The following SPOCK3 variants were observed in gnomAD, a reference collection of about 807,000 sequenced individuals.
SPOCK3 encodes SPARC (osteonectin), cwcv and kazal like domains proteoglycan 3.
Under a neutral mutation model 56.6 loss-of-function variants are expected in SPOCK3, and 30 were observed. That is an observed-to-expected ratio of 0.53 (90% CI 0.40 to 0.72). SPOCK3 has a LOEUF of 0.72. Ranked by LOEUF, SPOCK3 falls within the 30% of genes least tolerant of loss-of-function variation. SPOCK3 has a pLI of 0.00. For missense variants in SPOCK3, 527 were observed against 530.0 expected, an observed-to-expected ratio of 0.99 and a Z score of 0.06; for synonymous variants, 196 against 183.3, an observed-to-expected ratio of 1.07 and a Z score of -0.56.
intron 6 of SPOCK3, among the ~76,000 whole-genome samples, chr4:166,853,788 A>G (rs553493753): frequency 2.0e-5 from 3 of 152,244 alleles, no homozygotes; most frequent in African/African-American, 4.8e-5. Context: ...AGGCTGAGGC[A>G]TGAGAATAGC....
chr4:166,995,356 T>C (rs1034081976), intron 4 of SPOCK3, among the ~76,000 whole-genome samples: 2 of 152,058 alleles, frequency 1.3e-5, no homozygotes, highest in African/African-American at 4.8e-5. Context: ...GTTATACTAA[T>C]TCACTATCCA....
At chr4:166,945,827 C>T (rs1353719015) in intron 4 of SPOCK3, among the ~76,000 whole-genome samples, 5 of 152,152 alleles carry the variant, frequency 3.3e-5, no homozygotes, top group African/African-American at 1.2e-4. Flanking sequence ...AGTTTTCCCT[C>T]CTTACCCTAC....
intron 7 of SPOCK3, among the ~76,000 whole-genome samples, chr4:166,768,264 A>C (rs1219523811): frequency 1.3e-5 from 2 of 152,160 alleles, no homozygotes; most frequent in Non-Finnish European, 2.9e-5. Context: ...TCGTTAGTTG[A>C]TGCAGTTTCT....
At chr4:167,035,955 A>G (rs1203663952) in intron 3 of SPOCK3, among the ~76,000 whole-genome samples, 1 of 152,158 alleles carries the variant, frequency 6.6e-6, no homozygotes. Flanking sequence ...CTTATCTTTT[A>G]GAAAAATTAA....
At position 167,205,415 on chromosome 4, in the gene SPOCK3, AAATATAT is replaced by A. The variant is rs1165353243; in HGVS notation, c.189+28563_189+28569del. Among the ~76,000 whole-genome samples, 35 of 46,118 alleles carry A rather than the reference AAATATAT, an allele frequency of 7.6e-4. 1 individual carries two copies. Among genetic ancestry groups the A allele is most frequent in the African/African-American group, 2.2e-3 (23 of 10,288 alleles). 30.3% of individuals were successfully genotyped at this position (46,118 alleles called of 152,430 possible). A position where few individuals can be genotyped will look rare whatever the true frequency, so the allele number is the denominator to read the frequency against. ...TTTTATATATAATATATTATATATT[AAATATAT>A]AATATATAATATATAATATAATATA... On this transcript the variant is annotated intron_variant, in intron 2 of 10. Transcript: ENST00000357545.
chr4:167,009,864 AAAAT>A (rs138429820), intron 3 of SPOCK3, among the ~76,000 whole-genome samples: 1,778 of 152,162 alleles, frequency 0.012, 37 homozygotes, highest in African/African-American at 0.041. Context: ...TTAAAGATAT[AAAAT>A]AAATATAGAA....
In SPOCK3 at chr4:166,952,775, C is replaced by T. The variant is rs142091022; in HGVS notation, c.351-40032G>A. On this transcript the variant is annotated intron_variant, in intron 4 of 10. Transcript: ENST00000357545. ...AACAGAACAGAGCCCTCAGAAATGA[C>T]GCCACATATCTACAACTATCTGATC... is the stretch of plus-strand genomic sequence containing the variant. Among the ~76,000 whole-genome samples, 1,306 of 152,108 alleles carry T rather than the reference C, an allele frequency of 8.6e-3. 16 individuals are homozygous for T. The highest frequency in any genetic ancestry group is 0.028 in the East Asian group (146 of 5,166).
chr4:166,836,584 T>C lies in SPOCK3; in HGVS notation c.590-44295A>G, dbSNP rs1047152232. On this transcript the variant is annotated intron_variant, in intron 6 of 10. Transcript: ENST00000357545. ...AATTTACCTCAGTGAAGATTGTTTT[T>C]TGTGGCAGTTCCATTTCCTAGGTGG... Among the ~76,000 whole-genome samples the C allele has an allele frequency of 5.3e-5, 8 of 152,194 alleles. No homozygotes were observed. In the East Asian group the frequency reaches 9.6e-4, roughly 18 times the overall value.
intron 4 of SPOCK3, among the ~76,000 whole-genome samples, chr4:166,945,997 T>C (rs1210525750): frequency 6.6e-6 from 1 of 151,558 alleles, no homozygotes; most frequent in Admixed American, 6.6e-5. Context: ...CAATGAGGTG[T>C]CTGCCCTAAC....
intron 3 of SPOCK3, among the ~76,000 whole-genome samples, chr4:167,018,667 G>T (rs1750879762): frequency 6.6e-6 from 1 of 151,966 alleles, no homozygotes; most frequent in Non-Finnish European, 1.5e-5. Flanking sequence ...CCTCTGGCTA[G>T]TCAATTTTTA....
At chr4:167,217,317 A>G (rs1446549445) in intron 2 of SPOCK3, among the ~76,000 whole-genome samples, 1 of 152,086 alleles carries the variant, frequency 6.6e-6, no homozygotes, top group Non-Finnish European at 1.5e-5. Flanking sequence ...GAGGAAAAAA[A>G]GAATGGATGG....
intron 2 of SPOCK3, among the ~76,000 whole-genome samples, chr4:167,100,200 C>G (rs1204677138): frequency 1.3e-5 from 2 of 152,044 alleles, no homozygotes; most frequent in African/African-American, 4.8e-5. Flanking sequence ...CCTCTTATCT[C>G]AGTAATTTCA....
intron 8 of SPOCK3, among the ~76,000 whole-genome samples, chr4:166,745,535 T>A (rs1437772352): frequency 6.6e-6 from 1 of 152,156 alleles, no homozygotes; most frequent in Non-Finnish European, 1.5e-5. Context: ...TGCAAAAACA[T>A]GCCAAATTGT....
chr4:167,021,320 A>G (rs1751148917), intron 3 of SPOCK3, among the ~76,000 whole-genome samples: 1 of 152,086 alleles, frequency 6.6e-6, no homozygotes, highest in East Asian at 1.9e-4. Flanking sequence ...AATTTGGATG[A>G]TTTTCTTTAT....
chr4:167,085,739 C>A (rs1336326082), intron 2 of SPOCK3, among the ~76,000 whole-genome samples: 2 of 151,946 alleles, frequency 1.3e-5, no homozygotes, highest in African/African-American at 4.8e-5. Flanking sequence ...AAATACAGTC[C>A]ATTTTTATAA....
intron 4 of SPOCK3, among the ~76,000 whole-genome samples, chr4:166,998,679 CA>C (rs1748641792): frequency 6.6e-6 from 1 of 152,012 alleles, no homozygotes; most frequent in Non-Finnish European, 1.5e-5. Flanking sequence ...TTCACGGGGC[CA>C]GGGGTGAAGT....
chr4:167,116,579 T>C (rs1251333171), intron 2 of SPOCK3, among the ~76,000 whole-genome samples: 1 of 139,696 alleles, frequency 7.2e-6, no homozygotes, highest in Non-Finnish European at 1.5e-5. Flanking sequence ...TATACATATA[T>C]AGTTTTGTAT....
At chr4:167,191,483 T>C (rs1316317154) in intron 2 of SPOCK3, among the ~76,000 whole-genome samples, 2 of 145,732 alleles carry the variant, frequency 1.4e-5, no homozygotes, top group African/African-American at 2.6e-5. Flanking sequence ...AATATCTTAG[T>C]TTTCAGTGTA....
At chr4:167,096,651 G>A (rs1299149364) in intron 2 of SPOCK3, among the ~76,000 whole-genome samples, 1 of 151,730 alleles carries the variant, frequency 6.6e-6, no homozygotes, top group Non-Finnish European at 1.5e-5. Context: ...TTAAATGTAT[G>A]ATAAGTTGTG....
Sources: allele counts gnomAD v4.1 joint callset (sites outside exome capture counted in the v4.1 genomes callset), GRCh38; gene constraint gnomAD v4.1.1; transcripts MANE v1.5; gene names NCBI Gene and HGNC (gene_info 2026-07-23, HGNC 2026-07-21).